The following LUZP2 variants were observed in gnomAD, a reference collection of about 807,000 sequenced individuals.
LUZP2 encodes the protein leucine zipper protein 2.
LUZP2 carries 52 observed loss-of-function variants against 51.6 expected under a neutral mutation model. The ratio of observed to expected loss-of-function variants is 1.01; its 90% CI spans 0.81 to 1.27. The LOEUF is 1.27. Ranked by LOEUF, LUZP2 falls within the 50% of genes most tolerant of loss-of-function variation. The pLI is 0.00. For synonymous variants in LUZP2, 154 were observed against 137.3 expected, an observed-to-expected ratio of 1.12 and a Z score of -0.85; for missense variants, 436 against 395.4, an observed-to-expected ratio of 1.10 and a Z score of -0.87.
chr11:24,513,600 A>C (rs1850377079), intron 1 of LUZP2, among the ~76,000 whole-genome samples: 2 of 152,084 alleles, frequency 1.3e-5, no homozygotes, highest in African/African-American at 4.8e-5. Flanking sequence ...ATAATACGTG[A>C]CTCATATGGT....
intron 1 of LUZP2, among the ~76,000 whole-genome samples, chr11:24,522,780 T>C (rs1191142563): frequency 2.0e-5 from 3 of 152,140 alleles, no homozygotes; most frequent in African/African-American, 7.2e-5. Flanking sequence ...GTATCGATGA[T>C]ACTCAGAATG....
chr11:24,779,564 A>G (rs1849029534), intron 5 of LUZP2, among the ~76,000 whole-genome samples: 1 of 152,190 alleles, frequency 6.6e-6, no homozygotes, highest in Admixed American at 6.6e-5. Flanking sequence ...AGTGTTAATT[A>G]ATGGCTGGCC....
intron 1 of LUZP2, among the ~76,000 whole-genome samples, chr11:24,527,197 G>T (rs1219276745): frequency 6.6e-6 from 1 of 151,092 alleles, no homozygotes; most frequent in Non-Finnish European, 1.5e-5. Context: ...TTTATTTTTT[G>T]TTCCTCTCTC....
At chr11:24,566,326 A>ATTT (rs869144004) in intron 1 of LUZP2, among the ~76,000 whole-genome samples, 3 of 93,002 alleles carry the variant, frequency 3.2e-5, no homozygotes, top group African/African-American at 7.7e-5. Flanking sequence ...TTATTTATTT[A>ATTT]TTTTTTTTTT....
At chr11:24,844,822 T>C (rs1851148337) in intron 5 of LUZP2, among the ~76,000 whole-genome samples, 1 of 152,170 alleles carries the variant, frequency 6.6e-6, no homozygotes, top group South Asian at 2.1e-4. Flanking sequence ...GCAGCTTCCA[T>C]GTGGTGTTGA....
At chr11:24,703,706 G>A (rs560183448) in intron 1 of LUZP2, among the ~76,000 whole-genome samples, 1 of 152,014 alleles carries the variant, frequency 6.6e-6, no homozygotes, top group South Asian at 2.1e-4. Flanking sequence ...GTATGTGCCT[G>A]TAATCCCACC....
At chr11:24,591,464 A>G (rs1249067715) in intron 1 of LUZP2, among the ~76,000 whole-genome samples, 1 of 152,210 alleles carries the variant, frequency 6.6e-6, no homozygotes, top group Non-Finnish European at 1.5e-5. Context: ...TTATGATATC[A>G]TAGTTATAAT....
intron 4 of LUZP2, among the ~76,000 whole-genome samples, chr11:24,742,057 T>TTTAATA (rs571183533): frequency 4.3e-5 from 5 of 116,300 alleles, no homozygotes; most frequent in Non-Finnish European, 6.6e-5. Context: ...ATAAATATAA[T>TTTAATA]TATATATATA....
intron 1 of LUZP2, among the ~76,000 whole-genome samples, chr11:24,548,171 A>ACCATTT (rs1851617530): frequency 6.6e-6 from 1 of 152,116 alleles, no homozygotes; most frequent in African/African-American, 2.4e-5. Context: ...AAATAGAACT[A>ACCATTT]CCATTTGACC....
chr11:24,732,264 G>A, intron 3 of LUZP2, 76 bp downstream of exon 3: 1 of 1,044,854 alleles, frequency 9.6e-7, no homozygotes, highest in Non-Finnish European at 1.4e-6. Flanking sequence ...AAAATTTATT[G>A]ATTCTAAATA....
chr11:24,658,491 A>T lies in LUZP2; in HGVS notation c.63-70678A>T, dbSNP rs897076861. ...AAAACCCTAGAAGAAAACCTAGGCA[A>T]TACCATTCAGGACATAGGCATGGGC... On this transcript the variant is annotated intron_variant, in intron 1 of 11. Transcript: ENST00000336930. Among the ~76,000 whole-genome samples, 375 of 152,284 alleles carry T rather than the reference A, an allele frequency of 2.5e-3. 2 individuals are homozygous for T. Among genetic ancestry groups the T allele is most frequent in the African/African-American group, 8.7e-3 (363 of 41,570 alleles).
chr11:24,751,240 G>A (rs1045828525), intron 4 of LUZP2, among the ~76,000 whole-genome samples: 13 of 152,006 alleles, frequency 8.6e-5, no homozygotes, highest in Admixed American at 3.9e-4. Flanking sequence ...AGAAGCATGC[G>A]AAAAACCCAA....
chr11:25,038,881 G>C (rs1565265771), intron 9 of LUZP2, among the ~76,000 whole-genome samples: 3 of 152,146 alleles, frequency 2.0e-5, no homozygotes, highest in Non-Finnish European at 4.4e-5. Context: ...CTGAATTCTT[G>C]CTCTTGGTTT....
At chr11:24,659,059 T>A (rs1445608274) in intron 1 of LUZP2, among the ~76,000 whole-genome samples, 1 of 152,200 alleles carries the variant, frequency 6.6e-6, no homozygotes, top group Non-Finnish European at 1.5e-5. Context: ...AACCCAGCCA[T>A]CCCATTACTG....
At chr11:24,763,067 C>A (rs1860040670) in intron 4 of LUZP2, 179 bp from the exon 5 acceptor site, 1 of 465,192 alleles carries the variant, frequency 2.1e-6, no homozygotes, top group Non-Finnish European at 2.8e-6. Flanking sequence ...TTAATATAAT[C>A]AATGAATATA....
chr11:24,731,101 T>C (rs1215740875), intron 2 of LUZP2, among the ~76,000 whole-genome samples: 1 of 151,754 alleles, frequency 6.6e-6, no homozygotes, highest in Non-Finnish European at 1.5e-5. Flanking sequence ...CCAGTTACAG[T>C]AGGGAAGAGG....
At chr11:24,807,438 G>A (rs1849889102) in intron 5 of LUZP2, among the ~76,000 whole-genome samples, 1 of 148,570 alleles carries the variant, frequency 6.7e-6, no homozygotes, top group African/African-American at 2.5e-5. Flanking sequence ...TCCAGCCTGG[G>A]CGACAGAGTA....
intron 9 of LUZP2, among the ~76,000 whole-genome samples, chr11:25,022,143 T>A (rs1477592909): frequency 6.6e-6 from 1 of 152,094 alleles, no homozygotes; most frequent in Non-Finnish European, 1.5e-5. Context: ...ATGCCTTTGC[T>A]TGGGGGAAAC....
chr11:24,870,865 T>C (rs923480756), intron 5 of LUZP2, among the ~76,000 whole-genome samples: 19 of 152,136 alleles, frequency 1.2e-4, no homozygotes, highest in African/African-American at 4.3e-4. Flanking sequence ...ATGTCCCTGA[T>C]CATAGGCTAA....
Sources: allele counts gnomAD v4.1 joint callset (sites outside exome capture counted in the v4.1 genomes callset), GRCh38; gene constraint gnomAD v4.1.1; transcripts MANE v1.5; gene names NCBI Gene and HGNC (gene_info 2026-07-23, HGNC 2026-07-21).